The following DOK7 variants were observed in gnomAD, a reference collection of about 807,000 sequenced individuals.
The protein encoded by DOK7 is docking protein 7.
In DOK7, 32 loss-of-function variants were observed where a neutral mutation model predicts 30.7. That is an observed-to-expected ratio of 1.04 (90% CI 0.79 to 1.40). DOK7 has a LOEUF of 1.40. DOK7 is among the 40% of genes most tolerant of loss of function. DOK7 has a pLI of 0.00. For missense variants in DOK7, 1,007 were observed against 699.2 expected, an observed-to-expected ratio of 1.44 and a Z score of -4.97; for synonymous variants, 447 against 324.1, an observed-to-expected ratio of 1.38 and a Z score of -4.07.
At position 3,492,802 on chromosome 4, in the gene DOK7, C is replaced by T. The variant is rs115614731; in HGVS notation, c.816C>T (p.His272=). The change falls in exon 7 of 7, where the codon CAC becomes CAT. Residue 272 remains histidine, a synonymous_variant. Coordinates refer to ENST00000340083, the MANE Select transcript of DOK7 (RefSeq NM_173660.5). ...SLSSSSSEAS[H]LDVSASSRLT... ...CCAGCTCATCCTCAGAGGCCAGTCA[C>T]TTGGACGTCAGCGCCAGCAGCCGGC... 1.9e-6 allele frequency: 3 copies of T among 1,612,776 alleles called. No individual in the cohort carries two copies. The highest frequency in any genetic ancestry group is 1.3e-5 in the African/African-American group (1 of 75,040).
chr4:3,496,737 G>A (rs1728931724), downstream of DOK7: 3 of 1,467,424 alleles, frequency 2.0e-6, no homozygotes, highest in South Asian at 2.5e-5. Flanking sequence ...TTGGGGGGTA[G>A]TGTCCTTGTT....
intron 3 of DOK7, among the ~76,000 whole-genome samples, chr4:3,475,304 C>G (rs1726997490): frequency 6.6e-6 from 1 of 152,216 alleles, no homozygotes; most frequent in African/African-American, 2.4e-5. Context: ...ACCGCCCAGG[C>G]AGCTTCATCT....
intron 2 of DOK7, among the ~76,000 whole-genome samples, chr4:3,465,759 G>C (rs779506599): frequency 6.6e-6 from 1 of 152,228 alleles, no homozygotes; most frequent in African/African-American, 2.4e-5. Flanking sequence ...GTGGGACCAC[G>C]TTCCTCAATG....
intron 4 of DOK7, among the ~76,000 whole-genome samples, chr4:3,479,402 G>T (rs1052824280): frequency 3.9e-5 from 6 of 152,222 alleles, no homozygotes; most frequent in African/African-American, 1.4e-4. Flanking sequence ...CGACAACTGG[G>T]GCCACTGGGA....
intron 4 of DOK7, chr4:3,484,592 G>A (rs1177747911): frequency 2.5e-5 from 25 of 985,210 alleles, no homozygotes; most frequent in Non-Finnish European, 2.5e-5. Flanking sequence ...GGAGGGCAGC[G>A]CCCCCGTGAC....
At chr4:3,474,211 G>A (rs1451231973) in intron 3 of DOK7, among the ~76,000 whole-genome samples, 2 of 152,096 alleles carry the variant, frequency 1.3e-5, no homozygotes, top group African/African-American at 2.4e-5. Context: ...GTGGTGATGG[G>A]GCCCTGGGCA....
At chr4:3,484,500 C>G in intron 4 of DOK7, 1 of 985,514 alleles carries the variant, frequency 1.0e-6, no homozygotes. Flanking sequence ...TGTGAGGTGA[C>G]GCCAGCCGGA....
downstream of DOK7, chr4:3,494,629 C>T: frequency 1.3e-6 from 1 of 772,958 alleles, no homozygotes; most frequent in African/African-American, 1.9e-5. Flanking sequence ...TCTTGTGAGC[C>T]TTGGGCCTGA....
intron 4 of DOK7, 195 bp from the exon 5 acceptor site, chr4:3,485,343 TG>T: frequency 1.6e-6 from 1 of 624,082 alleles, no homozygotes; most frequent in Non-Finnish European, 2.5e-6. Flanking sequence ...CAGAGCCAGG[TG>T]GGGTGTCGGC....
intron 5 of DOK7, among the ~76,000 whole-genome samples, chr4:3,487,445 C>T (rs887929613): frequency 6.6e-5 from 10 of 152,240 alleles, no homozygotes; most frequent in South Asian, 2.1e-4. Flanking sequence ...GTGCTGAGCC[C>T]GCTGTGACCC....
chr4:3,490,720 C>T (rs1331488120), intron 6 of DOK7, among the ~76,000 whole-genome samples: 4 of 93,208 alleles, frequency 4.3e-5, no homozygotes, highest in Non-Finnish European at 8.1e-5. Flanking sequence ...TCCTTCATTT[C>T]CCCCCACTCA....
At chr4:3,487,861 G>A (rs1188956219) in intron 5 of DOK7, among the ~76,000 whole-genome samples, 1 of 152,252 alleles carries the variant, frequency 6.6e-6, no homozygotes, top group Non-Finnish European at 1.5e-5. Context: ...AGGGCTGAGG[G>A]GCAGTTGTGC....
At chr4:3,485,697 C>T (rs201108911) in intron 5 of DOK7, 39 bp downstream of exon 5, 27 of 1,503,542 alleles carry the variant, frequency 1.8e-5, no homozygotes, top group South Asian at 1.2e-4. Flanking sequence ...AGGGTGCGCT[C>T]GGCAGGCTGT....
At chr4:3,467,449 A>ACCCCCCCC (rs796674033) in intron 2 of DOK7, among the ~76,000 whole-genome samples, 2 of 78,280 alleles carry the variant, frequency 2.6e-5, no homozygotes, top group Non-Finnish European at 5.3e-5. Context: ...TCCAGGGAAG[A>ACCCCCCCC]CCCCCCCCCC....
rs1491177280 is a variant in DOK7 at position 3,463,451 on chromosome 4, G to GA, written c.54+22_54+23insA. On this transcript the variant is annotated intron_variant, in intron 1 of 6. Transcript: ENST00000340083. ...GAAGGTCGGGGCGCGTCGGGGGCGC[G>GA]GGGGGGGGGGGCGCGGGCGCGGGCG... The GA allele has an allele frequency of 1.2e-5, 1 of 84,032 alleles. No individual in the cohort carries two copies. Among genetic ancestry groups the GA allele is most frequent in the East Asian group, 4.6e-4 (1 of 2,176 alleles). The allele number at this position is 84,032 out of a possible 1,614,324, so 5.2% of individuals were successfully genotyped here. A position where few individuals can be genotyped will look rare whatever the true frequency, so the allele number is the denominator to read the frequency against.
At chr4:3,474,864 G>A (rs1002691504) in intron 3 of DOK7, among the ~76,000 whole-genome samples, 4 of 152,020 alleles carry the variant, frequency 2.6e-5, no homozygotes, top group African/African-American at 9.7e-5. Flanking sequence ...GTGACCTGAG[G>A]TTGTGCCACT....
chr4:3,476,582 C>A, intron 4 of DOK7, 40 bp downstream of exon 4: 1 of 1,605,522 alleles, frequency 6.2e-7, no homozygotes, highest in Non-Finnish European at 8.5e-7. Flanking sequence ...AGCAGCAGCA[C>A]CCCCCACTTC....
intron 2 of DOK7, among the ~76,000 whole-genome samples, chr4:3,473,128 G>A (rs1726857178): frequency 6.6e-6 from 1 of 152,244 alleles, no homozygotes; most frequent in Admixed American, 6.5e-5. Context: ...AAATCCGCCA[G>A]TGAAGGTCCA....
chr4:3,493,048 C>G lies in DOK7; in HGVS notation c.1062C>G (p.Ser354=), dbSNP rs779871062. 4 of 1,573,864 alleles carry G rather than the reference C, an allele frequency of 2.5e-6. No individual in the cohort carries two copies. In the Admixed American group the frequency reaches 7.2e-5, roughly 28 times the overall value. ...CCTCTTACTCCAGCAGCCTCTCGTC[C>G]TACGCGGGCAGCAGCCTGGACGTGT... ...SHSSYSSSLS[S]YAGSSLDVWR... The change falls in exon 7 of 7, where the codon TCC becomes TCG. Residue 354 remains serine, a synonymous_variant. Transcript: ENST00000340083.
Sources: gnomAD v4.1 joint callset for allele counts (sites outside exome capture counted in the v4.1 genomes callset) on GRCh38, gnomAD v4.1.1 for gene constraint, MANE v1.5 for transcripts, NCBI Gene and HGNC (gene_info 2026-07-23, HGNC 2026-07-21) for gene names.